LRP1B: variants seen among roughly 807,000 people sequenced by gnomAD.
The protein encoded by LRP1B is LDL receptor related protein 1B, also known as low-density lipoprotein receptor-related protein 1B.
A neutral mutation model predicts 556.6 loss-of-function variants in LRP1B; 217 were observed. The ratio of observed to expected loss-of-function variants is 0.39; its 90% confidence interval spans 0.35 to 0.44. LRP1B has a LOEUF of 0.44. LRP1B is among the 20% of genes least tolerant of loss of function. The pLI is 1.00. For missense variants in LRP1B, 5,053 were observed against 5,620.8 expected, an observed-to-expected ratio of 0.90 and a Z score of 3.23; for synonymous variants, 2,047 against 1,865.8, an observed-to-expected ratio of 1.10 and a Z score of -2.50.
chr2:141,502,209 A>G (rs1030743320), intron 2 of LRP1B, among the ~76,000 whole-genome samples: 15 of 152,186 alleles, frequency 9.9e-5, no homozygotes, highest in Non-Finnish European at 2.2e-4. Flanking sequence ...ATTCTGTAAG[A>G]ATCAATATCC....
At position 140,577,704 on chromosome 2, in the gene LRP1B, T is replaced by G. The variant is rs115752552; in HGVS notation, c.7194+20927A>C. Among the ~76,000 whole-genome samples, 642 of 152,238 alleles carry G rather than the reference T, an allele frequency of 4.2e-3. 2 individuals carry two copies. Among genetic ancestry groups the G allele is most frequent in the Non-Finnish European group, 6.3e-3 (426 of 68,012 alleles). ...CTCCCAAAGTGCTGAGATATGGACA[T>G]GAGCCACCAAACCTGGTTGCACTAC... On this transcript the variant is annotated intron_variant, in intron 43 of 90. Coordinates refer to ENST00000389484, the MANE Select transcript of LRP1B (RefSeq NM_018557.3).
intron 1 of LRP1B, among the ~76,000 whole-genome samples, chr2:141,995,481 T>C (rs540710887): frequency 5.9e-5 from 9 of 152,240 alleles, no homozygotes; most frequent in African/African-American, 1.9e-4. Context: ...GATAATCATC[T>C]CCCTATTTTA....
Position 141,015,643 on chromosome 2 carries a change from CT to C in LRP1B, c.2190+52del, listed in dbSNP as rs534144381. 8.9e-5 allele frequency: 120 copies of C among 1,344,278 alleles called. 1 individual carries two copies. In the African/African-American group the frequency reaches 1.6e-3, roughly 18 times the overall value. 83.3% of individuals were successfully genotyped at this position (1,344,278 alleles called of 1,614,324 possible). ...GTATTTTTAACACAACACAACAAGG[CT>C]CTGTGAAAAAAAGAAGCCTGTGGGT... On this transcript the variant is annotated intron_variant, in intron 13 of 90. Coordinates refer to ENST00000389484, the MANE Select transcript of LRP1B (RefSeq NM_018557.3).
At chr2:141,588,852 T>A (rs16846535) in intron 2 of LRP1B, among the ~76,000 whole-genome samples, 3,149 of 152,280 alleles carry the variant, frequency 0.021, 106 homozygotes, top group African/African-American at 0.072. Flanking sequence ...TGGAAATAAA[T>A]TTTATGTGTT....
chr2:141,147,348 G>C (rs56682424), intron 7 of LRP1B, among the ~76,000 whole-genome samples: 1 of 152,130 alleles, frequency 6.6e-6, no homozygotes, highest in Non-Finnish European at 1.5e-5. Flanking sequence ...TGAGGACCCT[G>C]ATACAAGAGC....
At chr2:140,669,822 T>C (rs943953618) in intron 41 of LRP1B, among the ~76,000 whole-genome samples, 2 of 152,148 alleles carry the variant, frequency 1.3e-5, no homozygotes, top group East Asian at 1.9e-4. Flanking sequence ...CCATGTCTTA[T>C]ACAATATTTC....
chr2:141,006,800 C>G (rs1434771726), intron 14 of LRP1B, among the ~76,000 whole-genome samples: 2 of 151,878 alleles, frequency 1.3e-5, no homozygotes, highest in African/African-American at 4.8e-5. Flanking sequence ...ATACTGTAAA[C>G]AATTATAACA....
chr2:141,141,326 T>G (rs930901660), intron 7 of LRP1B, among the ~76,000 whole-genome samples: 4 of 152,192 alleles, frequency 2.6e-5, no homozygotes, highest in Non-Finnish European at 5.9e-5. Flanking sequence ...ATTATTCATT[T>G]TTATGAAGCA....
chr2:141,880,818 G>T (rs1698933733), intron 1 of LRP1B, among the ~76,000 whole-genome samples: 1 of 152,026 alleles, frequency 6.6e-6, no homozygotes, highest in Non-Finnish European at 1.5e-5. Flanking sequence ...AACATTCATG[G>T]TGAATACATC....
chr2:141,029,393 A>G (rs931207849), intron 11 of LRP1B, among the ~76,000 whole-genome samples: 7 of 152,094 alleles, frequency 4.6e-5, no homozygotes, highest in African/African-American at 1.2e-4. Flanking sequence ...GTCCCTGTAC[A>G]TTCTTGCTGA....
chr2:141,467,357 G>C (rs1291731133), intron 3 of LRP1B, among the ~76,000 whole-genome samples: 1 of 152,012 alleles, frequency 6.6e-6, no homozygotes, highest in Non-Finnish European at 1.5e-5. Flanking sequence ...GAAGTTACAG[G>C]AGTATAGAAT....
intron 20 of LRP1B, among the ~76,000 whole-genome samples, chr2:140,937,856 A>C (rs1559205704): frequency 6.6e-6 from 1 of 152,036 alleles, no homozygotes; most frequent in Non-Finnish European, 1.5e-5. Context: ...TTCCATTACA[A>C]ATCAAGTTTT....
intron 3 of LRP1B, among the ~76,000 whole-genome samples, chr2:141,380,383 T>C (rs538155793): frequency 6.7e-4 from 102 of 152,340 alleles, no homozygotes; most frequent in Admixed American, 1.0e-3. Flanking sequence ...ACTAATAGTC[T>C]GAACAAGCAT....
chr2:141,782,326 T>G (rs966571332), intron 2 of LRP1B, among the ~76,000 whole-genome samples: 7 of 152,052 alleles, frequency 4.6e-5, no homozygotes, highest in African/African-American at 1.7e-4. Context: ...TAGTAATGGA[T>G]TTTACCACAG....
chr2:140,848,784 C>T (rs560749030), intron 29 of LRP1B, among the ~76,000 whole-genome samples: 1 of 152,174 alleles, frequency 6.6e-6, no homozygotes, highest in East Asian at 1.9e-4. Context: ...TAATAACTGA[C>T]CCTGAAATCA....
chr2:141,800,957 T>A (rs911934524), intron 2 of LRP1B, among the ~76,000 whole-genome samples: 1 of 152,208 alleles, frequency 6.6e-6, no homozygotes, highest in Non-Finnish European at 1.5e-5. Context: ...TTTCACCATT[T>A]AAGTGAAAAT....
chr2:141,316,381 G>C (rs144617216), intron 3 of LRP1B, among the ~76,000 whole-genome samples: 1 of 152,094 alleles, frequency 6.6e-6, no homozygotes, highest in Non-Finnish European at 1.5e-5. Context: ...AAACAAGAAA[G>C]CAATACACTT....
chr2:141,120,537 C>A (rs1243874882), intron 7 of LRP1B, among the ~76,000 whole-genome samples: 9 of 152,002 alleles, frequency 5.9e-5, no homozygotes, highest in African/African-American at 2.2e-4. Flanking sequence ...AATAGAAAAT[C>A]TTTTGTGAAA....
At chr2:141,053,423 G>T (rs1275493153) in intron 10 of LRP1B, among the ~76,000 whole-genome samples, 3 of 151,926 alleles carry the variant, frequency 2.0e-5, no homozygotes, top group African/African-American at 7.2e-5. Flanking sequence ...TATCAGATGA[G>T]ACTTAACTCT....
Sources: gnomAD v4.1 joint callset for allele counts (sites outside exome capture counted in the v4.1 genomes callset) on GRCh38, gnomAD v4.1.1 for gene constraint, MANE v1.5 for transcripts, NCBI Gene and HGNC (gene_info 2026-07-23, HGNC 2026-07-21) for gene names.